Variants in CRACD observed in about 807,000 individuals in gnomAD.
CRACD encodes capping protein-inhibiting regulator of actin dynamics.
CRACD carries 56 observed loss-of-function variants against 106.8 expected under a neutral mutation model. The ratio of observed to expected loss-of-function variants is 0.52; its 90% CI spans 0.42 to 0.66. The LOEUF (loss-of-function observed/expected upper bound fraction) is 0.66. CRACD is among the 30% of genes least tolerant of loss of function. The pLI is 0.00. For synonymous variants in CRACD, 754 were observed against 670.8 expected (o/e 1.12, Z -1.92); for missense variants, 1,730 against 1,623.2 (o/e 1.07, Z -1.13).
At chr4:56,137,905 C>T (rs61162453) in intron 1 of CRACD, among the ~76,000 whole-genome samples, 137 of 152,292 alleles carry the variant, frequency 9.0e-4, no homozygotes, top group Middle Eastern at 3.4e-3. Flanking sequence ...ATTTCAGATA[C>T]TCTGATTTTC....
At chr4:56,288,324 C>T (rs1029315218) in intron 3 of CRACD, among the ~76,000 whole-genome samples, 5 of 152,040 alleles carry the variant, frequency 3.3e-5, no homozygotes, top group African/African-American at 7.2e-5. Flanking sequence ...GTTTGAGCTT[C>T]GTTTAATCCA....
chr4:56,284,542 T>C (rs1743221874), intron 3 of CRACD, among the ~76,000 whole-genome samples: 1 of 151,978 alleles, frequency 6.6e-6, no homozygotes, highest in Non-Finnish European at 1.5e-5. Flanking sequence ...CTGGCCAACA[T>C]GGTGAAACCC....
intron 1 of CRACD, among the ~76,000 whole-genome samples, chr4:56,089,616 C>T (rs1733348681): frequency 6.6e-6 from 1 of 150,832 alleles, no homozygotes; most frequent in Non-Finnish European, 1.5e-5. Flanking sequence ...CGGGTTCAAG[C>T]GATTCTCCTG....
chr4:56,233,904 T>C (rs1281959521), intron 2 of CRACD, among the ~76,000 whole-genome samples: 1 of 152,210 alleles, frequency 6.6e-6, no homozygotes, highest in Admixed American at 6.5e-5. Flanking sequence ...TACAGATCTT[T>C]CACATCTTTT....
At chr4:56,325,156 G>A (rs1423015446) in intron 10 of CRACD, among the ~76,000 whole-genome samples, 7 of 151,934 alleles carry the variant, frequency 4.6e-5, no homozygotes, top group African/African-American at 1.5e-4. Context: ...GCAACATGGC[G>A]AAACCCCGTC....
At chr4:56,206,684 C>T (rs1738137820) in intron 2 of CRACD, among the ~76,000 whole-genome samples, 1 of 152,138 alleles carries the variant, frequency 6.6e-6, no homozygotes, top group Non-Finnish European at 1.5e-5. Context: ...TCTGTCGGGG[C>T]CTAGTGCACA....
chr4:56,059,265 C>A (rs1426437020), intron 1 of CRACD, among the ~76,000 whole-genome samples: 1 of 146,438 alleles, frequency 6.8e-6, no homozygotes, highest in African/African-American at 2.6e-5. Context: ...AGACCAAACC[C>A]CACCTCTACA....
chr4:56,105,327 C>T (rs71601620), intron 1 of CRACD, among the ~76,000 whole-genome samples: 3,648 of 152,202 alleles, frequency 0.024, 72 homozygotes, highest in South Asian at 0.038. Flanking sequence ...GGCAAAACTC[C>T]GTCTCTACAG....
intron 3 of CRACD, among the ~76,000 whole-genome samples, chr4:56,283,752 T>C (rs886097639): frequency 6.6e-6 from 1 of 152,224 alleles, no homozygotes; most frequent in African/African-American, 2.4e-5. Context: ...TCTTTTGTTC[T>C]GTGAGCCTCA....
At chr4:56,231,958 T>C (rs532970412) in intron 2 of CRACD, among the ~76,000 whole-genome samples, 1 of 152,338 alleles carries the variant, frequency 6.6e-6, no homozygotes, top group African/African-American at 2.4e-5. Context: ...CTATGCACCA[T>C]GAAGAAATAC....
chr4:56,254,661 G>T (rs1017312669), intron 2 of CRACD, among the ~76,000 whole-genome samples: 1 of 152,064 alleles, frequency 6.6e-6, no homozygotes, highest in African/African-American at 2.4e-5. Context: ...TGCTAAACTT[G>T]TCAAGAACTG....
chr4:56,269,238 C>T (rs1742206493), intron 2 of CRACD, among the ~76,000 whole-genome samples: 1 of 152,016 alleles, frequency 6.6e-6, no homozygotes, highest in Non-Finnish European at 1.5e-5. Flanking sequence ...TAAAAATTAG[C>T]CAGGGGTGGT....
chr4:56,307,769 T>G, intron 5 of CRACD, 70 bp downstream of exon 5: 2 of 1,511,318 alleles, frequency 1.3e-6, no homozygotes, highest in South Asian at 2.4e-5. Context: ...CCAGTAACCC[T>G]GGGGTCTGCA....
Position 56,080,058 on chromosome 4 carries a change from C to T in CRACD, c.-336+30759C>T, listed in dbSNP as rs566742756. Among the ~76,000 whole-genome samples the T allele has an allele frequency of 5.3e-5, 8 of 152,212 alleles. No individual in the cohort carries two copies. In the South Asian group the frequency reaches 1.5e-3, roughly 28 times the overall value. ...TTCAGAACAATGTTAAAAGAAATGGCGGTGGCATGTGTCATTGCTTATGTC... is the reference window on the plus strand; with the variant it reads ...TTCAGAACAATGTTAAAAGAAATGGTGGTGGCATGTGTCATTGCTTATGTC... On this transcript the variant is annotated intron_variant, in intron 1 of 10. Transcript: ENST00000682029.
At chr4:56,152,739 G>A (rs766681873) in intron 1 of CRACD, among the ~76,000 whole-genome samples, 1 of 151,882 alleles carries the variant, frequency 6.6e-6, no homozygotes, top group Non-Finnish European at 1.5e-5. Context: ...TGGCCAGTGA[G>A]AGGCACTTCA....
At chr4:56,169,449 CCCTTG>C (rs1736274273) in intron 1 of CRACD, among the ~76,000 whole-genome samples, 2 of 152,118 alleles carry the variant, frequency 1.3e-5, no homozygotes, top group South Asian at 4.1e-4. Context: ...GGTTCATGAA[CCCTTG>C]CCAGGCCTAT....
intron 2 of CRACD, among the ~76,000 whole-genome samples, chr4:56,258,545 A>G (rs1269148832): frequency 6.6e-6 from 1 of 152,206 alleles, no homozygotes; most frequent in Non-Finnish European, 1.5e-5. Flanking sequence ...CCCTATGTCT[A>G]GTTGACTGAG....
chr4:56,294,800 G>A (rs942733057), intron 3 of CRACD, among the ~76,000 whole-genome samples: 2 of 151,532 alleles, frequency 1.3e-5, no homozygotes, highest in South Asian at 2.1e-4. Context: ...TGTAATCTGA[G>A]CTACTTGGGA....
chr4:56,214,511 G>A (rs1287191993), intron 2 of CRACD, among the ~76,000 whole-genome samples: 1 of 151,648 alleles, frequency 6.6e-6, no homozygotes, highest in African/African-American at 2.4e-5. Context: ...AGAATCACGT[G>A]AACCCGGGAG....
Sources: gnomAD v4.1 joint callset for allele counts (sites outside exome capture counted in the v4.1 genomes callset) on GRCh38, gnomAD v4.1.1 for gene constraint, MANE v1.5 for transcripts, NCBI Gene and HGNC (gene_info 2026-07-23, HGNC 2026-07-21) for gene names.